Variants in ZNF804B observed in about 807,000 individuals in gnomAD.
ZNF804B encodes zinc finger 804B.
Under a neutral mutation model 101.4 loss-of-function variants are expected in ZNF804B, and 80 were observed. The ratio of observed to expected loss-of-function variants is 0.79; its 90% CI spans 0.66 to 0.95. The LOEUF is 0.95. Among genes scored for constraint, ZNF804B ranks in the 40% least tolerant of loss-of-function variants. The pLI is 0.00. For synonymous variants in ZNF804B, 622 were observed against 558.8 expected (o/e 1.11, Z -1.59); for missense variants, 1,673 against 1,561.9 (o/e 1.07, Z -1.20).
chr7:89,220,022 CAT>C (rs200121943), intron 2 of ZNF804B, among the ~76,000 whole-genome samples: 3,999 of 33,116 alleles, frequency 0.12, 1,286 homozygotes, highest in East Asian at 0.46. Flanking sequence ...TGTGTGTATA[CAT>C]ATATATACGC....
chr7:89,225,081 C>A (rs961705882), intron 2 of ZNF804B, among the ~76,000 whole-genome samples: 1 of 152,038 alleles, frequency 6.6e-6, no homozygotes, highest in Non-Finnish European at 1.5e-5. Flanking sequence ...TCGTTCTCTT[C>A]ATTTGTGTCT....
chr7:88,897,124 A>T (rs564067379), intron 1 of ZNF804B, among the ~76,000 whole-genome samples: 1 of 152,210 alleles, frequency 6.6e-6, no homozygotes, highest in African/African-American at 2.4e-5. Flanking sequence ...ATATCCATGC[A>T]TTAACCCCCA....
At chr7:89,009,243 T>C (rs780349337) in intron 1 of ZNF804B, among the ~76,000 whole-genome samples, 1 of 152,140 alleles carries the variant, frequency 6.6e-6, no homozygotes, top group Non-Finnish European at 1.5e-5. Flanking sequence ...TCTTAATCTA[T>C]TTACTAAAAC....
chr7:88,956,994 A>T (rs1793319633), intron 1 of ZNF804B, among the ~76,000 whole-genome samples: 1 of 151,598 alleles, frequency 6.6e-6, no homozygotes, highest in East Asian at 2.0e-4. Flanking sequence ...AGGAGTTCTG[A>T]CAATCTGTCT....
At chr7:89,171,423 TCTC>T (rs1358941923) in intron 1 of ZNF804B, among the ~76,000 whole-genome samples, 11 of 149,480 alleles carry the variant, frequency 7.4e-5, no homozygotes, top group African/African-American at 2.7e-4. Flanking sequence ...TTCTTCTCCT[TCTC>T]CTTCTCCTTC....
intron 1 of ZNF804B, among the ~76,000 whole-genome samples, chr7:89,022,297 G>A (rs1360813394): frequency 6.6e-6 from 1 of 152,108 alleles, no homozygotes; most frequent in East Asian, 1.9e-4. Flanking sequence ...AGTGTCATGT[G>A]CCTCTAGTCA....
chr7:89,328,577 A>G (rs1054161004), intron 3 of ZNF804B, among the ~76,000 whole-genome samples: 2 of 151,846 alleles, frequency 1.3e-5, no homozygotes, highest in African/African-American at 4.8e-5. Flanking sequence ...AGGGACTTAC[A>G]ATATGTTGTG....
At chr7:89,085,624 A>G (rs375322904) in intron 1 of ZNF804B, among the ~76,000 whole-genome samples, 74 of 152,030 alleles carry the variant, frequency 4.9e-4, no homozygotes, top group Admixed American at 3.2e-3. Context: ...ACCTCATTCC[A>G]TATGCCTTAC....
At chr7:88,917,076 C>G (rs552314598) in intron 1 of ZNF804B, among the ~76,000 whole-genome samples, 1 of 152,076 alleles carries the variant, frequency 6.6e-6, no homozygotes, top group South Asian at 2.1e-4. Context: ...ACCAGCCTGA[C>G]CAACATGGTG....
Position 88,824,034 on chromosome 7 carries a change from T to A in ZNF804B, c.108+63950T>A, listed in dbSNP as rs910298654. Among the ~76,000 whole-genome samples the A allele has an allele frequency of 1.3e-4, 20 of 152,270 alleles. 1 individual carries two copies. Among genetic ancestry groups the A allele is most frequent in the Admixed American group, 4.6e-4 (7 of 15,286 alleles). ...CTGCTACTCTATCCCTGACTTCACA[T>A]GTACAATAGCCTGTGTCCTCTGGTC... On this transcript the variant is annotated intron_variant, in intron 1 of 3. Coordinates refer to ENST00000333190, the MANE Select transcript of ZNF804B (RefSeq NM_181646.5).
intron 1 of ZNF804B, among the ~76,000 whole-genome samples, chr7:88,968,045 G>A (rs1446439967): frequency 6.6e-6 from 1 of 151,454 alleles, no homozygotes; most frequent in South Asian, 2.1e-4. Context: ...AAATAAGAGT[G>A]TGACTATATT....
intron 1 of ZNF804B, among the ~76,000 whole-genome samples, chr7:89,209,311 GA>G (rs1252783081): frequency 2.0e-5 from 3 of 151,790 alleles, no homozygotes; most frequent in African/African-American, 7.3e-5. Flanking sequence ...AATAGGAGGA[GA>G]AAAAAATCCC....
intron 2 of ZNF804B, among the ~76,000 whole-genome samples, chr7:89,261,328 T>A (rs1789710012): frequency 2.6e-5 from 4 of 152,214 alleles, no homozygotes; most frequent in Admixed American, 2.6e-4. Flanking sequence ...TATACATGTA[T>A]TTTGTGCAAC....
intron 1 of ZNF804B, among the ~76,000 whole-genome samples, chr7:89,183,258 C>G (rs959461167): frequency 3.3e-5 from 5 of 151,990 alleles, no homozygotes; most frequent in African/African-American, 1.2e-4. Flanking sequence ...TGGGAGCACC[C>G]TGAGGAACAG....
At chr7:89,328,191 A>G (rs1489028178) in intron 3 of ZNF804B, among the ~76,000 whole-genome samples, 1 of 151,960 alleles carries the variant, frequency 6.6e-6, no homozygotes, top group Non-Finnish European at 1.5e-5. Context: ...CAGAATTTAA[A>G]CACCTATTGC....
At chr7:89,292,620 A>T (rs112552020) in intron 2 of ZNF804B, among the ~76,000 whole-genome samples, 1 of 152,006 alleles carries the variant, frequency 6.6e-6, no homozygotes, top group Non-Finnish European at 1.5e-5. Context: ...CTTCACTGAA[A>T]ATAGACAAAA....
At chr7:89,018,309 C>A (rs1288390793) in intron 1 of ZNF804B, among the ~76,000 whole-genome samples, 1 of 151,998 alleles carries the variant, frequency 6.6e-6, no homozygotes, top group Admixed American at 6.6e-5. Flanking sequence ...TGTGATGTAT[C>A]ATATTTATTG....
At chr7:88,826,226 T>G (rs1207102471) in intron 1 of ZNF804B, among the ~76,000 whole-genome samples, 4 of 152,174 alleles carry the variant, frequency 2.6e-5, no homozygotes, top group Non-Finnish European at 4.4e-5. Context: ...ACAACTGATG[T>G]TATGTATTTG....
chr7:88,786,833 T>C, intron 1 of ZNF804B, among the ~76,000 whole-genome samples: 1 of 152,142 alleles, frequency 6.6e-6, no homozygotes, highest in East Asian at 1.9e-4. Context: ...AAATTAACCT[T>C]ATGGAATAAT....
Sources: gnomAD v4.1 joint callset for allele counts (sites outside exome capture counted in the v4.1 genomes callset) on GRCh38, gnomAD v4.1.1 for gene constraint, MANE v1.5 for transcripts, NCBI Gene and HGNC (gene_info 2026-07-23, HGNC 2026-07-21) for gene names.